The following HUWE1 variants were observed in gnomAD, a reference collection of about 807,000 sequenced individuals.
HUWE1 encodes E3 ubiquitin-protein ligase HUWE1.
Under a neutral mutation model 299.4 loss-of-function variants are expected in HUWE1, and 18 were observed. The observed-to-expected ratio is 0.06, with a 90% confidence interval of 0.04 to 0.09. HUWE1 has a LOEUF of 0.09. HUWE1 is among the 10% of genes least tolerant of loss of function. The pLI is 1.00. For synonymous variants in HUWE1, 1,317 were observed against 1,286.1 expected, an observed-to-expected ratio of 1.02 and a Z score of -0.51; for missense variants, 1,832 against 3,462.3, an observed-to-expected ratio of 0.53 and a Z score of 11.82.
At position 53,588,516 on chromosome X, in the gene HUWE1, C is replaced by T; in HGVS notation, c.4480G>A (p.Val1494Ile). ...AGGGGAAGAGCAGCTTTGATCAATA[C>T]ATCAGCAGCTTCCCACACCTAGAAA... is the stretch of plus-strand genomic sequence containing the variant. ...VVNQVWEAAD[V>I]LIKAALPLTT... is the part of the protein sequence containing the mutation. The change falls in exon 37 of 84, where the codon GTA becomes ATA. Residue 1494 changes from valine to isoleucine, a missense_variant. Val to Ile is a conservative substitution (Grantham distance 29). This residue lies in a region of HUWE1 where 658 missense variants were observed against 1,282.6 expected (regional missense o/e 0.51). Coordinates refer to ENST00000262854, the MANE Select transcript of HUWE1 (RefSeq NM_031407.7). 8.3e-7 allele frequency: 1 copy of T among 1,205,321 alleles called. No individual in the cohort carries two copies. The highest frequency in any genetic ancestry group is 1.1e-6 in the Non-Finnish European group (1 of 892,091).
At chrX:53,549,548 G>C (rs782654775) in intron 66 of HUWE1, 43 bp from the exon 67 acceptor site, 25 of 1,085,560 alleles carry the variant, frequency 2.3e-5, no homozygotes, top group Non-Finnish European at 3.0e-5. Context: ...TCAGTGGCTA[G>C]AGCTCTGGGA....
At chrX:53,540,279 G>A (rs782193454) in intron 74 of HUWE1, among the ~76,000 whole-genome samples, 8 of 111,526 alleles carry the variant, frequency 7.2e-5, no homozygotes, top group Non-Finnish European at 1.3e-4. Context: ...GGTTTCTGAG[G>A]AAGACAGCAC....
chrX:53,631,855 G>A, intron 9 of HUWE1: 1 of 402,994 alleles, frequency 2.5e-6, no homozygotes, highest in South Asian at 3.8e-5. Context: ...ACATAGCCAG[G>A]CACATTTCAT....
intron 43 of HUWE1, among the ~76,000 whole-genome samples, chrX:53,580,440 C>A (rs933002146): frequency 1.8e-5 from 2 of 112,328 alleles, no homozygotes; most frequent in Admixed American, 1.9e-4. Context: ...TAATTAAATA[C>A]AGGTCAAACA....
intron 4 of HUWE1, among the ~76,000 whole-genome samples, chrX:53,651,432 CA>C (rs1347911438): frequency 9.0e-6 from 1 of 111,260 alleles, no homozygotes; most frequent in African/African-American, 3.3e-5. Context: ...CCATGAATAC[CA>C]AAATCTATGC....
intron 19 of HUWE1, among the ~76,000 whole-genome samples, chrX:53,619,515 A>G (rs1255555005): frequency 1.9e-5 from 2 of 107,546 alleles, no homozygotes; most frequent in Non-Finnish European, 3.8e-5. Context: ...TGTGTGTGGA[A>G]CCAAGCAACT....
chrX:53,546,405 G>A lies in HUWE1; in HGVS notation c.10915+31C>T, dbSNP rs148627371. On this transcript the variant is annotated intron_variant, in intron 70 of 83. Transcript: ENST00000262854. ...GGAAGCACCTAAGTGGAAACCTTCAGAAAGAGAAAATGCTTTACTTCTGCT... is the reference window on the plus strand; with the variant it reads ...GGAAGCACCTAAGTGGAAACCTTCAAAAAGAGAAAATGCTTTACTTCTGCT... 0.011 allele frequency: 13,215 copies of A among 1,189,135 alleles called. 72 individuals carry two copies. The highest frequency in any genetic ancestry group is 0.014 in the Non-Finnish European group (12,054 of 879,728).
At chrX:53,614,823 G>T in intron 22 of HUWE1, 78 bp from the exon 23 acceptor site, 1 of 668,420 alleles carries the variant, frequency 1.5e-6, no homozygotes, top group Non-Finnish European at 2.4e-6. Context: ...TATTTAGAGC[G>T]TTTTCTATGT....
At chrX:53,535,612 C>T (rs1209726196) in intron 80 of HUWE1, 111 bp from the exon 81 acceptor site, 1 of 548,545 alleles carries the variant, frequency 1.8e-6, no homozygotes, top group Admixed American at 2.4e-5. Flanking sequence ...AGAGATGAGG[C>T]AAGTCCATAC....
At chrX:53,616,234 T>C in intron 21 of HUWE1, among the ~76,000 whole-genome samples, 1 of 110,897 alleles carries the variant, frequency 9.0e-6, no homozygotes, top group African/African-American at 3.3e-5. Flanking sequence ...CCTATTTTTT[T>C]TTTTTGGTTG....
chrX:53,548,197 G>C lies in HUWE1; in HGVS notation c.10112C>G (p.Ala3371Gly). The change falls in exon 68 of 84, where the codon GCC (alanine) becomes GGC (glycine). Residue 3371 changes from alanine (A) to glycine (G), a missense_variant. By Grantham distance (60) the Ala-to-Gly change is moderately conservative (BLOSUM62 0). Coordinates refer to ENST00000262854, the MANE Select transcript of HUWE1 (RefSeq NM_031407.7). ...CESDRERGNK[A>G]CSPCSSQSSS... Reference sequence around the variant, plus strand: ...GGACTGTGAGGAGCATGGGCTACAGGCCTTATTGCCCCTTTCCCGATCACT... The same window carrying C: ...GGACTGTGAGGAGCATGGGCTACAGCCCTTATTGCCCCTTTCCCGATCACT... 1 of 1,209,324 alleles carries C rather than the reference G, an allele frequency of 8.3e-7. No homozygotes were observed. Among genetic ancestry groups the C allele is most frequent in the Non-Finnish European group, 1.1e-6 (1 of 894,013 alleles).
Position 53,584,108 on chromosome X carries a change from A to G in HUWE1, c.5161+78T>C, listed in dbSNP as rs1239997632. On this transcript the variant is annotated intron_variant, in intron 41 of 83. Transcript: ENST00000262854. ...TTAATCTGTTAATCAAGCTGATGAA[A>G]ATAACTCACAATGAAATTGGCCAGA... 3 of 974,364 alleles carry G rather than the reference A, an allele frequency of 3.1e-6. No individual in the cohort carries two copies. In the African/African-American group the frequency reaches 5.7e-5, roughly 19 times the overall value. The allele number at this position is 974,364 out of a possible 1,213,427, so 80.3% of individuals were successfully genotyped here.
intron 28 of HUWE1, among the ~76,000 whole-genome samples, chrX:53,601,914 C>T (rs1470711843): frequency 9.0e-6 from 1 of 110,560 alleles, no homozygotes; most frequent in Non-Finnish European, 1.9e-5. Context: ...GGTGATCCAC[C>T]CGCCTCAGCC....
intron 2 of HUWE1, among the ~76,000 whole-genome samples, chrX:53,682,960 G>A (rs2070255079): frequency 8.9e-6 from 1 of 111,953 alleles, no homozygotes; most frequent in Non-Finnish European, 1.9e-5. Context: ...GCTTAATAGT[G>A]GTTTAGCAGC....
chrX:53,624,730 A>G, intron 18 of HUWE1, 55 bp from the exon 19 acceptor site: 13 of 867,123 alleles, frequency 1.5e-5, no homozygotes, highest in Non-Finnish European at 1.7e-5. Flanking sequence ...AGGTGTGAGG[A>G]GTGGGGATAA....
At position 53,547,866 on chromosome X, in the gene HUWE1, G is replaced by A. The variant is rs998668204; in HGVS notation, c.10443C>T (p.Ser3481=). 1.7e-6 allele frequency: 2 copies of A among 1,205,518 alleles called. No homozygotes were observed. The highest frequency in any genetic ancestry group is 2.2e-6 in the Non-Finnish European group (2 of 891,831). Residue 3481 remains serine (S), a synonymous_variant, in exon 68 of 84, where the codon TCC becomes TCT. Transcript: ENST00000262854. Reference sequence around the variant, plus strand: ...TGGTTGAGGTGGCAGTGGTGGTGGAGGAAGCACCGCTGCCAGAATTAGCCT... The same window carrying A: ...TGGTTGAGGTGGCAGTGGTGGTGGAAGAAGCACCGCTGCCAGAATTAGCCT... ...EAQANSGSGA[S]STTTATSTTS...
Position 53,671,069 on chromosome X carries a change from T to C in HUWE1, c.-25+8980A>G, listed in dbSNP as rs782064281. Among the ~76,000 whole-genome samples, 5 of 111,604 alleles carry C rather than the reference T, an allele frequency of 4.5e-5. No homozygotes were observed. In the East Asian group the frequency reaches 8.4e-4, roughly 19 times the overall value. On this transcript the variant is annotated intron_variant, in intron 3 of 83. Coordinates refer to ENST00000262854, the MANE Select transcript of HUWE1 (RefSeq NM_031407.7). ...GCCTTACATTTTTACATTCCGGTTGTAGAAATTTCTTAAGGATATAAATAT... is the reference window on the plus strand; with the variant it reads ...GCCTTACATTTTTACATTCCGGTTGCAGAAATTTCTTAAGGATATAAATAT...
At chrX:53,538,216 C>T in intron 77 of HUWE1, 121 bp downstream of exon 77, 1 of 541,637 alleles carries the variant, frequency 1.8e-6, no homozygotes, top group Middle Eastern at 3.1e-4. Flanking sequence ...CCCTCCTCAC[C>T]ACCACCATTC....
At chrX:53,590,366 T>C in intron 35 of HUWE1, 38 bp downstream of exon 35, 1 of 874,646 alleles carries the variant, frequency 1.1e-6, no homozygotes, top group Non-Finnish European at 1.7e-6. Context: ...CTAAGATTCA[T>C]GTGCCAAGCC....
Sources: gnomAD v4.1 joint callset for allele counts (sites outside exome capture counted in the v4.1 genomes callset) on GRCh38, gnomAD v4.1.1 for gene constraint, gnomAD v4.1.1 regional missense constraint, MANE v1.5 for transcripts, NCBI Gene and HGNC (gene_info 2026-07-23, HGNC 2026-07-21) for gene names.